Variants in PPA2 observed in about 807,000 individuals in gnomAD.
The protein encoded by PPA2 is inorganic pyrophosphatase 2.
Under a neutral mutation model 49.5 loss-of-function variants are expected in PPA2, and 48 were observed. The ratio of observed to expected loss-of-function variants is 0.97; its 90% CI spans 0.77 to 1.23. The LOEUF (loss-of-function observed/expected upper bound fraction) is 1.23. Ranked by LOEUF, PPA2 falls within the 50% of genes most tolerant of loss-of-function variation. PPA2 has a pLI of 0.00. For synonymous variants in PPA2, 131 were observed against 139.9 expected, an observed-to-expected ratio of 0.94 and a Z score of 0.45; for missense variants, 429 against 410.1, an observed-to-expected ratio of 1.05 and a Z score of -0.40.
chr4:105,385,831 C>A (rs1733655942), intron 10 of PPA2, among the ~76,000 whole-genome samples: 1 of 150,840 alleles, frequency 6.6e-6, no homozygotes, highest in Non-Finnish European at 1.5e-5. Flanking sequence ...AGGGTCTCAC[C>A]AATTTTATTT....
At chr4:105,381,107 G>A (rs1401069180) in intron 10 of PPA2, among the ~76,000 whole-genome samples, 2 of 152,008 alleles carry the variant, frequency 1.3e-5, no homozygotes, top group Non-Finnish European at 2.9e-5. Flanking sequence ...AAATTGTATT[G>A]TGTTTTATTT....
intron 10 of PPA2, among the ~76,000 whole-genome samples, chr4:105,379,592 T>C (rs1223793978): frequency 2.6e-5 from 4 of 151,282 alleles, no homozygotes; most frequent in Non-Finnish European, 4.4e-5. Context: ...GCCTCCCCAG[T>C]AGCTGGGATT....
intron 10 of PPA2, among the ~76,000 whole-genome samples, chr4:105,371,196 A>C (rs570953226): frequency 6.6e-6 from 1 of 152,186 alleles, no homozygotes; most frequent in African/African-American, 2.4e-5. Context: ...GAAAGTTAAA[A>C]TCAAGCACAC....
chr4:105,424,217 G>T lies in PPA2; in HGVS notation c.634C>A (p.Pro212Thr), dbSNP rs537737764. The T allele has an allele frequency of 6.2e-7, 1 of 1,606,812 alleles. No individual in the cohort carries two copies. The highest frequency in any genetic ancestry group is 1.7e-5 in the Admixed American group (1 of 58,138). The change falls in exon 7 of 12, where the codon CCT becomes ACT. Residue 212 changes from proline to threonine, a missense_variant. By Grantham distance (38) the Pro-to-Thr change is conservative (BLOSUM62 -1). Transcript: ENST00000341695. Reference protein sequence around the residue: ...WKLIAINANDPEASKFHDIDD... With the variant: ...WKLIAINANDTEASKFHDIDD... ...TTACCATGAAACTTTGAGGCTTCAG[G>T]ATCATTCGCATTGATAGCAATTAAT...
chr4:105,449,474 A>G (rs1348883170), intron 3 of PPA2, 71 bp from the exon 4 acceptor site: 2 of 925,690 alleles, frequency 2.2e-6, no homozygotes, highest in Admixed American at 2.3e-5. Flanking sequence ...TACCTCCCTT[A>G]TAAGAATACC....
intron 1 of PPA2, among the ~76,000 whole-genome samples, chr4:105,460,858 C>CATATATATATATATAT (rs746079683): frequency 6.9e-5 from 10 of 144,938 alleles, no homozygotes; most frequent in African/African-American, 2.2e-4. Context: ...TGTAAGATCA[C>CATATATATATATATAT]ATATATATAT....
intron 7 of PPA2, among the ~76,000 whole-genome samples, chr4:105,402,159 C>T (rs1369162378): frequency 1.3e-5 from 2 of 151,964 alleles, no homozygotes; most frequent in East Asian, 3.9e-4. Flanking sequence ...CTAATCCCAG[C>T]TACTTGGGAA....
chr4:105,419,261 C>T (rs2636712), intron 7 of PPA2, among the ~76,000 whole-genome samples: 51,680 of 152,070 alleles, frequency 0.34, 10,528 homozygotes, highest in East Asian at 0.67. Context: ...CGCCCATTAA[C>T]TCGTCATTTA....
At chr4:105,441,925 G>A (rs1724384212) in intron 5 of PPA2, among the ~76,000 whole-genome samples, 1 of 151,870 alleles carries the variant, frequency 6.6e-6, no homozygotes. Context: ...ATATACAGGT[G>A]GTTCTTAAGA....
At position 105,435,768 on chromosome 4, in the gene PPA2, A is replaced by G. The variant is rs6850301; in HGVS notation, c.528+2182T>C. 4.6e-3 allele frequency among the ~76,000 whole-genome samples: 705 copies of G among 152,320 alleles called. 9 individuals are homozygous for G. The highest frequency in any genetic ancestry group is 0.016 in the African/African-American group (666 of 41,572). Reference sequence around the variant, plus strand: ...ATAAAATTCAACATTCCTTCATGATAAAAACCTTCAACGAACTAGGCACTG... The same window carrying G: ...ATAAAATTCAACATTCCTTCATGATGAAAACCTTCAACGAACTAGGCACTG... On this transcript the variant is annotated intron_variant, in intron 6 of 11. Transcript: ENST00000341695.
intron 1 of PPA2, among the ~76,000 whole-genome samples, chr4:105,462,229 A>T (rs547605531): frequency 6.6e-6 from 1 of 152,318 alleles, no homozygotes; most frequent in East Asian, 1.9e-4. Context: ...AAGTGGTAGA[A>T]CTGAAGCACA....
At chr4:105,372,033 G>A (rs1733046756) in intron 10 of PPA2, among the ~76,000 whole-genome samples, 1 of 152,180 alleles carries the variant, frequency 6.6e-6, no homozygotes, top group Admixed American at 6.5e-5. Flanking sequence ...GGCCCCTGCA[G>A]AAGTAACGGT....
intron 1 of PPA2, among the ~76,000 whole-genome samples, chr4:105,463,549 C>T (rs1723179281): frequency 6.6e-6 from 1 of 152,210 alleles, no homozygotes; most frequent in Non-Finnish European, 1.5e-5. Flanking sequence ...ATGTTCGTCC[C>T]CAAGACAGTG....
chr4:105,411,271 A>T (rs1015306832), intron 7 of PPA2, among the ~76,000 whole-genome samples: 29 of 152,098 alleles, frequency 1.9e-4, no homozygotes, highest in Middle Eastern at 6.8e-3. Flanking sequence ...AGTCTCTGAT[A>T]AAAAAAAGAC....
At chr4:105,455,561 A>C (rs1365894675) in intron 2 of PPA2, among the ~76,000 whole-genome samples, 1 of 152,196 alleles carries the variant, frequency 6.6e-6, no homozygotes, top group Non-Finnish European at 1.5e-5. Context: ...CTAAATGTAA[A>C]GCCAGAAGGA....
intron 7 of PPA2, among the ~76,000 whole-genome samples, chr4:105,399,981 A>T (rs1312725543): frequency 2.6e-5 from 4 of 152,162 alleles, no homozygotes; most frequent in Admixed American, 2.0e-4. Context: ...GTGTGGCCAC[A>T]TTCTATATAC....
At chr4:105,429,507 A>C (rs1050486342) in intron 6 of PPA2, among the ~76,000 whole-genome samples, 2 of 152,228 alleles carry the variant, frequency 1.3e-5, no homozygotes, top group African/African-American at 4.8e-5. Flanking sequence ...CAATTTTTTA[A>C]TTAACAAATC....
At chr4:105,458,974 G>T (rs560912118) in intron 1 of PPA2, among the ~76,000 whole-genome samples, 1 of 151,352 alleles carries the variant, frequency 6.6e-6, no homozygotes, top group East Asian at 2.0e-4. Context: ...GTTCATTTTT[G>T]TTTGTTCTGT....
At chr4:105,421,912 G>A (rs767758269) in intron 7 of PPA2, among the ~76,000 whole-genome samples, 15 of 151,868 alleles carry the variant, frequency 9.9e-5, no homozygotes, top group South Asian at 2.1e-4. Context: ...GTGTGGTGGC[G>A]CGCGCCTGTA....
Sources: gnomAD v4.1 joint callset for allele counts (sites outside exome capture counted in the v4.1 genomes callset) on GRCh38, gnomAD v4.1.1 for gene constraint, MANE v1.5 for transcripts, NCBI Gene and HGNC (gene_info 2026-07-23, HGNC 2026-07-21) for gene names.